SREBF1: variants seen among roughly 807,000 people sequenced by gnomAD.
The protein encoded by SREBF1 is sterol regulatory element-binding protein 1.
Under a neutral mutation model 100.1 loss-of-function variants are expected in SREBF1, and 45 were observed. The ratio of observed to expected loss-of-function variants is 0.45; its 90% CI spans 0.35 to 0.58. The LOEUF (loss-of-function observed/expected upper bound fraction) is 0.58, where lower values mean the gene tolerates loss of function less well. SREBF1 is among the 20% of genes least tolerant of loss of function. The probability of loss-of-function intolerance (pLI) is 0.00; values close to 1 mark genes in which losing one functional copy is unlikely to be tolerated. For synonymous variants in SREBF1, 657 were observed against 681.8 expected (o/e 0.96, Z 0.57); for missense variants, 1,324 against 1,539.4 (o/e 0.86, Z 2.34).
At position 17,813,392 on chromosome 17, in the gene SREBF1, G is replaced by A. The variant is rs2297507; in HGVS notation, c.3190C>T (p.Arg1064Trp). Residue 1064 changes from arginine to tryptophan, a missense_variant, in exon 18 of 19, where the codon CGG (arginine) becomes TGG (tryptophan). By Grantham distance (101) the Arg-to-Trp change is moderately radical (BLOSUM62 -3). Transcript: ENST00000261646. Reference protein sequence around the residue: ...HQLLDRSLRRRAGPGGKGGAV... With the variant: ...HQLLDRSLRRWAGPGGKGGAV... ...CCTCCTTTGCCACCGGGGCCTGCCCGCCGCCTCAGACTGCGGTCGAGGAGC... is the reference window on the plus strand; with the variant it reads ...CCTCCTTTGCCACCGGGGCCTGCCCACCGCCTCAGACTGCGGTCGAGGAGC... 1.3e-5 allele frequency: 20 copies of A among 1,600,006 alleles called. No individual in the cohort carries two copies. Among genetic ancestry groups the A allele is most frequent in the East Asian group, 9.0e-5 (4 of 44,232 alleles).
At position 17,814,663 on chromosome 17, in the gene SREBF1, C is replaced by T. The variant is rs768195955; in HGVS notation, c.2687G>A (p.Arg896Gln). Residue 896 changes from arginine (R) to glutamine (Q), a missense_variant, in exon 15 of 19, where the codon CGG (arginine) becomes CAG (glutamine). Physicochemically the swap from Arg to Gln is conservative, Grantham distance 43. Coordinates refer to ENST00000261646, the MANE Select transcript of SREBF1 (RefSeq NM_004176.5). Reference sequence around the variant, plus strand: ...CAGGTGCTCCACCAGCGGGCACAGCCGCTCAGCCGCCTCCTCATCCCGCCG... The same window carrying T: ...CAGGTGCTCCACCAGCGGGCACAGCTGCTCAGCCGCCTCCTCATCCCGCCG... ...WLRRDEEAAERLCPLVEHLPR... is the reference protein window; with the variant it reads ...WLRRDEEAAEQLCPLVEHLPR... The T allele has an allele frequency of 1.1e-5, 17 of 1,565,602 alleles. No homozygotes were observed. The highest frequency in any genetic ancestry group is 3.7e-5 in the Admixed American group (2 of 54,600).
rs568883133 is a variant in SREBF1, at chr17:17,812,877, A to T, written c.3215-26T>A. 67 of 1,469,836 alleles carry T rather than the reference A, an allele frequency of 4.6e-5. 1 individual carries two copies. Among genetic ancestry groups the T allele is most frequent in the Non-Finnish European group, 5.7e-5 (64 of 1,118,816 alleles). The allele number at this position is 1,469,836 out of a possible 1,614,324, so 91.0% of individuals were successfully genotyped here. A position where few individuals can be genotyped will look rare whatever the true frequency, so the allele number is the denominator to read the frequency against. The stretch of plus-strand genomic sequence containing the variant: ...CTGCGCACACGAGGATGTGTCAGGG[A>T]TGGGTCTCAAGCTGGCCACGCCCCC... On this transcript the variant is annotated intron_variant, in intron 18 of 18. Transcript: ENST00000261646.
chr17:17,816,541 C>T lies in SREBF1; in HGVS notation c.1963G>A (p.Asp655Asn). ...LAGRAGGLQQDCALRVDASAS... is the reference protein window; with the variant it reads ...LAGRAGGLQQNCALRVDASAS... ...CTAGCATCCACTCGCAGAGCACAGTCCTGCTGCAGGCCCCCTGCCCGGCCT... is the reference window on the plus strand; with the variant it reads ...CTAGCATCCACTCGCAGAGCACAGTTCTGCTGCAGGCCCCCTGCCCGGCCT... The change falls in exon 10 of 19, where the codon GAC (aspartate) becomes AAC (asparagine). Residue 655 changes from aspartate to asparagine, a missense_variant. Asp to Asn is a conservative substitution (Grantham distance 23). Coordinates refer to ENST00000261646, the MANE Select transcript of SREBF1 (RefSeq NM_004176.5). 1 of 1,602,884 alleles carries T rather than the reference C, an allele frequency of 6.2e-7. No homozygotes were observed. Among genetic ancestry groups the T allele is most frequent in the Non-Finnish European group, 8.5e-7 (1 of 1,175,834 alleles).
In SREBF1 at chr17:17,812,718, C is replaced by G. The variant is rs758188725; in HGVS notation, c.3348G>C (p.Ala1116=). ...GQRVGMLAEA[A]RTLEKLGDRR... is the part of the protein sequence containing the mutation. ...GATCGCCAAGCTTCTCGAGTGTGCG[C>G]GCCGCCTCAGCCAGCATGCCCACGC... is the stretch of plus-strand genomic sequence containing the variant. Residue 1116 remains alanine (A), a synonymous_variant, in exon 19 of 19, where the codon GCG becomes GCC. Transcript: ENST00000261646. 1.9e-6 allele frequency: 3 copies of G among 1,591,810 alleles called. No individual in the cohort carries two copies. In the Admixed American group the frequency reaches 5.1e-5, roughly 27 times the overall value.
chr17:17,822,584 C>T (rs575416918), intron 1 of SREBF1, among the ~76,000 whole-genome samples: 92 of 152,358 alleles, frequency 6.0e-4, no homozygotes, highest in Middle Eastern at 6.8e-3. Context: ...CTAACCCACT[C>T]GTGGTGGCAC....
intron 1 of SREBF1, among the ~76,000 whole-genome samples, chr17:17,823,934 T>C (rs1295896184): frequency 1.3e-5 from 2 of 152,084 alleles, no homozygotes; most frequent in African/African-American, 4.8e-5. Context: ...CCGGGGTTAC[T>C]GGCGGTCACT....
rs1454136013 is a variant in SREBF1 at position 17,816,033 on chromosome 17, A to G, written c.2215-5T>C. 6.8e-6 allele frequency: 11 copies of G among 1,611,406 alleles called. No individual in the cohort carries two copies. The highest frequency in any genetic ancestry group is 9.3e-6 in the Non-Finnish European group (11 of 1,179,340). On this transcript the variant is annotated splice_region_variant and splice_polypyrimidine_tract_variant and intron_variant, in intron 11 of 18. Transcript: ENST00000261646. Reference sequence around the variant, plus strand: ...GGCACTGCTCAGGAAGAAGCGCTGTAGGGGAGGGTACTGGGCTGTCACAGT... The same window carrying G: ...GGCACTGCTCAGGAAGAAGCGCTGTGGGGGAGGGTACTGGGCTGTCACAGT...
At chr17:17,818,230 A>G in intron 6 of SREBF1, 30 bp downstream of exon 6, 1 of 1,586,348 alleles carries the variant, frequency 6.3e-7, no homozygotes, top group Non-Finnish European at 8.7e-7. Flanking sequence ...AGAAGAGGCC[A>G]GACTGGAGCT....
At chr17:17,816,911 A>G (rs1212085830) in intron 9 of SREBF1, 47 bp downstream of exon 9, 1 of 1,611,314 alleles carries the variant, frequency 6.2e-7, no homozygotes, top group South Asian at 1.1e-5. Context: ...GCACCTTCAC[A>G]GCCTGGGGTC....
rs1471135666 is a variant in SREBF1, at chr17:17,824,855, C to A, written c.92-4334G>T. ...AGAAAACCCAGCCATGTCTCTCTCG[C>A]AACCTGTCCTCGCCACCGCCGTCCA... On this transcript the variant is annotated intron_variant, in intron 1 of 18. Coordinates refer to ENST00000261646, the MANE Select transcript of SREBF1 (RefSeq NM_004176.5). This position sits in a 1 kb window ranked among gnomAD's most constrained non-coding sequence, Gnocchi z 4.2. Among the ~76,000 whole-genome samples, 2 of 152,210 alleles carry A rather than the reference C, an allele frequency of 1.3e-5. No individual in the cohort carries two copies. The highest frequency in any genetic ancestry group is 2.9e-5 in the Non-Finnish European group (2 of 68,036).
Position 17,836,881 on chromosome 17 carries a change from G to T in SREBF1, c.-64C>A. Reference sequence around the variant, plus strand: ...CGCCTCGTACGGCCCTTCCTAGGGAGCGCCGCCGCGGCCCCGGCTCTCAGT... The same window carrying T: ...CGCCTCGTACGGCCCTTCCTAGGGATCGCCGCCGCGGCCCCGGCTCTCAGT... On this transcript the variant is annotated 5_prime_UTR_variant, in exon 1 of 19. Transcript: ENST00000261646. The T allele has an allele frequency of 7.1e-7, 1 of 1,405,386 alleles. No homozygotes were observed. Among genetic ancestry groups the T allele is most frequent in the South Asian group, 1.4e-5 (1 of 70,380 alleles). 87.1% of individuals were successfully genotyped at this position (1,405,386 alleles called of 1,614,324 possible).
At chr17:17,829,191 TAAAA>T (rs1253225038) in intron 1 of SREBF1, among the ~76,000 whole-genome samples, 2 of 44,942 alleles carry the variant, frequency 4.5e-5, no homozygotes, top group African/African-American at 2.4e-4. Context: ...GACTCCATCT[TAAAA>T]AAAAAAAAAA....
Position 17,814,673 on chromosome 17 carries a change from C to T in SREBF1, c.2677G>A (p.Ala893Thr). The T allele has an allele frequency of 2.5e-6, 4 of 1,578,796 alleles. No individual in the cohort carries two copies. The highest frequency in any genetic ancestry group is 3.4e-6 in the Non-Finnish European group (4 of 1,166,210). ...ACCAGCGGGCACAGCCGCTCAGCCG[C>T]CTCCTCATCCCGCCGCAGCCAGTGG... Reference protein sequence around the residue: ...VIHWLRRDEEAAERLCPLVEH... With the variant: ...VIHWLRRDEETAERLCPLVEH... The change falls in exon 15 of 19, where the codon GCG becomes ACG. Residue 893 changes from alanine (A) to threonine (T), a missense_variant. Coordinates refer to ENST00000261646, the MANE Select transcript of SREBF1 (RefSeq NM_004176.5).
At position 17,814,839 on chromosome 17, in the gene SREBF1, G is replaced by A. The variant is rs1269262442; in HGVS notation, c.2598C>T (p.Thr866=). The A allele has an allele frequency of 2.5e-6, 4 of 1,596,676 alleles. No homozygotes were observed. The African/African-American group carries it at 4.0e-5, about 16-fold the overall frequency. Residue 866 remains threonine, a synonymous_variant, in exon 14 of 19, where the codon ACC becomes ACT. Transcript: ENST00000261646. ...GGACAGGGGCCGGGGACTCACCGGT[G>A]GTGGTGGCCATGCTGGAACTGATGG... ...SFSISSSMAT[T]TGVDPVAKWW...
At chr17:17,814,492 T>G (rs1423121133) in intron 15 of SREBF1, 82 bp from the exon 16 acceptor site, 2 of 1,538,154 alleles carry the variant, frequency 1.3e-6, no homozygotes. Flanking sequence ...CTGGCTCGAG[T>G]TCCCTGAGGA....
At chr17:17,823,517 C>T (rs201326212) in intron 1 of SREBF1, 11 of 1,610,908 alleles carry the variant, frequency 6.8e-6, no homozygotes, top group Non-Finnish European at 5.9e-6. Flanking sequence ...TCCAAAAATA[C>T]CTTCGAAAGT....
intron 18 of SREBF1, 72 bp from the exon 19 acceptor site, chr17:17,812,923 C>T (rs1239324010): frequency 2.2e-5 from 30 of 1,359,982 alleles, no homozygotes; most frequent in Admixed American, 1.5e-4. Flanking sequence ...TGCCCACACA[C>T]AAGCCACGGC....
intron 1 of SREBF1, among the ~76,000 whole-genome samples, chr17:17,832,232 A>G (rs1280486003): frequency 6.6e-6 from 1 of 152,094 alleles, no homozygotes; most frequent in Non-Finnish European, 1.5e-5. Context: ...TCTTCATCAT[A>G]TGTCTACCTA....
chr17:17,815,893 A>C lies in SREBF1; in HGVS notation c.2350T>G (p.Trp784Gly). Reference sequence around the variant, plus strand: ...CCGGCCAAGCTGTACAGGCTCTCCCATGGGGTACTGAGCACGGACCAGTCC... The same window carrying C: ...CCGGCCAAGCTGTACAGGCTCTCCCCTGGGGTACTGAGCACGGACCAGTCC... ...DGDWSVLSTPWESLYSLAGNP... is the reference protein window; with the variant it reads ...DGDWSVLSTPGESLYSLAGNP... The change falls in exon 12 of 19, where the codon TGG becomes GGG. Residue 784 changes from tryptophan (W) to glycine (G), a missense_variant. Trp to Gly is a radical substitution (Grantham distance 184, BLOSUM62 -2). Transcript: ENST00000261646. The C allele has an allele frequency of 6.2e-7, 1 of 1,612,972 alleles. No individual in the cohort carries two copies. Among genetic ancestry groups the C allele is most frequent in the Non-Finnish European group, 8.5e-7 (1 of 1,179,926 alleles).
Sources: gnomAD v4.1 joint callset for allele counts (sites outside exome capture counted in the v4.1 genomes callset) on GRCh38, gnomAD v4.1.1 for gene constraint, Gnocchi (gnomAD v3.1) non-coding constraint, MANE v1.5 for transcripts, NCBI Gene and HGNC (gene_info 2026-07-23, HGNC 2026-07-21) for gene names.